Variants in ZNF555 observed in about 807,000 individuals in gnomAD.
The protein encoded by ZNF555 is zinc finger protein 555.
ZNF555 carries 10 observed loss-of-function variants against 14.0 expected under a neutral mutation model. The ratio of observed to expected loss-of-function variants is 0.72; its 90% CI spans 0.44 to 1.21. The LOEUF is 1.21. ZNF555 is among the 50% of genes most tolerant of loss of function. The pLI, the probability that ZNF555 is intolerant of heterozygous loss-of-function variation, is 0.00. For synonymous variants in ZNF555, 277 were observed against 262.4 expected (o/e 1.06, Z -0.54); for missense variants, 747 against 762.0 (o/e 0.98, Z 0.23).
Position 2,848,647 on chromosome 19 carries a change from C to G in ZNF555, c.4-1940C>G, listed in dbSNP as rs2087602926. On this transcript the variant is annotated intron_variant, in intron 1 of 3. Coordinates refer to ENST00000334241, the MANE Select transcript of ZNF555 (RefSeq NM_152791.5). The stretch of plus-strand genomic sequence containing the variant: ...ATTTTTAGTAGAGATGGGGTTTCAC[C>G]ATGTTGGCCAGGCTGGTCTCAAACT... 2.0e-5 allele frequency among the ~76,000 whole-genome samples: 3 copies of G among 151,986 alleles called. No individual in the cohort carries two copies. In the South Asian group the frequency reaches 6.2e-4, roughly 32 times the overall value.
intron 2 of ZNF555, 110 bp from the exon 3 acceptor site, chr19:2,851,358 C>T: frequency 1.2e-6 from 1 of 845,088 alleles, no homozygotes; most frequent in South Asian, 2.0e-5. Context: ...GAGTTGCTTA[C>T]CTTTTTGACC....
chr19:2,853,250 C>T lies in ZNF555; in HGVS notation c.1185C>T (p.Pro395=), dbSNP rs373066063. The change falls in exon 4 of 4, where the codon CCC becomes CCT. Residue 395 remains proline (P), a synonymous_variant. Coordinates refer to ENST00000334241, the MANE Select transcript of ZNF555 (RefSeq NM_152791.5). ...RHERTHGGEK[P]YECNQCGKAF... is the part of the protein sequence containing the mutation. ...AAAGGACTCATGGTGGAGAGAAACC[C>T]TATGAATGCAACCAGTGCGGGAAAG... The T allele has an allele frequency of 3.1e-6, 5 of 1,613,632 alleles. No individual in the cohort carries two copies. The highest frequency in any genetic ancestry group is 1.3e-5 in the African/African-American group (1 of 74,806).
intron 1 of ZNF555, among the ~76,000 whole-genome samples, chr19:2,848,919 C>T (rs975159318): frequency 6.6e-6 from 1 of 152,194 alleles, no homozygotes; most frequent in Admixed American, 6.5e-5. Context: ...AGTTCCCAGA[C>T]ACCAGCTAAG....
rs1343571001 is a variant in ZNF555 at position 2,858,955 on chromosome 19, C to T, written c.*5003C>T. The T allele has an allele frequency of 6.6e-6, 1 of 152,522 alleles. No homozygotes were observed. Among genetic ancestry groups the T allele is most frequent in the Non-Finnish European group, 1.5e-5 (1 of 68,276 alleles). The allele number at this position is 152,522 out of a possible 1,614,324, so 9.4% of individuals were successfully genotyped here. A position where few individuals can be genotyped will look rare whatever the true frequency, so the allele number is the denominator to read the frequency against. ...CAGGAGGTGCCTATCGCGCCCCAAG[C>T]TCCTCACGTGCCTCCTCCCCACAGT... On this transcript the variant is annotated 3_prime_UTR_variant, in exon 4 of 4. Coordinates refer to ENST00000334241, the MANE Select transcript of ZNF555 (RefSeq NM_152791.5).
At chr19:2,843,334 A>G (rs912166655) in intron 1 of ZNF555, among the ~76,000 whole-genome samples, 2 of 151,832 alleles carry the variant, frequency 1.3e-5, no homozygotes, top group African/African-American at 4.8e-5. Context: ...AAGCTTTTGT[A>G]TTTTTTTGTT....
At position 2,860,037 on chromosome 19, in the gene ZNF555, A is replaced by T. The variant is rs1029480789; in HGVS notation, c.*6085A>T. ...CAAACAAACAAAAAAAAGGAATGCA[A>T]GTCAAGTACACTTTGTATGGACAGT... On this transcript the variant is annotated 3_prime_UTR_variant, in exon 4 of 4. Transcript: ENST00000334241. 3.3e-5 allele frequency: 5 copies of T among 152,388 alleles called. No homozygotes were observed. The highest frequency in any genetic ancestry group is 2.1e-4 in the South Asian group (1 of 4,832). 9.4% of individuals were successfully genotyped at this position (152,388 alleles called of 1,614,324 possible). A position where few individuals can be genotyped will look rare whatever the true frequency, so the allele number is the denominator to read the frequency against.
rs2087668850 is a variant in ZNF555, at chr19:2,854,669, A to G, written c.*717A>G. On this transcript the variant is annotated 3_prime_UTR_variant, in exon 4 of 4. Coordinates refer to ENST00000334241, the MANE Select transcript of ZNF555 (RefSeq NM_152791.5). Reference sequence around the variant, plus strand: ...ACAGATGCATAGGGGCTTTGTGAACATCAACCTTCAGCTTATTTTCCAGAT... The same window carrying G: ...ACAGATGCATAGGGGCTTTGTGAACGTCAACCTTCAGCTTATTTTCCAGAT... The G allele has an allele frequency of 6.6e-6, 1 of 152,268 alleles. No homozygotes were observed. The highest frequency in any genetic ancestry group is 1.5e-5 in the Non-Finnish European group (1 of 68,088). 9.4% of individuals were successfully genotyped at this position (152,268 alleles called of 1,614,324 possible). A position where few individuals can be genotyped will look rare whatever the true frequency, so the allele number is the denominator to read the frequency against.
chr19:2,854,777 C>T lies in ZNF555; in HGVS notation c.*825C>T, dbSNP rs2087669908. 1 of 152,268 alleles carries T rather than the reference C, an allele frequency of 6.6e-6. No homozygotes were observed. Among genetic ancestry groups the T allele is most frequent in the Admixed American group, 6.5e-5 (1 of 15,286 alleles). 9.4% of individuals were successfully genotyped at this position (152,268 alleles called of 1,614,324 possible). A position where few individuals can be genotyped will look rare whatever the true frequency, so the allele number is the denominator to read the frequency against. On this transcript the variant is annotated 3_prime_UTR_variant, in exon 4 of 4. Coordinates refer to ENST00000334241, the MANE Select transcript of ZNF555 (RefSeq NM_152791.5). ...ACTGTGTCAGAGGTGTAGTCTTCCT[C>T]AGACATCTCCATTAACTTGATATTA...
rs962117383 is a variant in ZNF555 at position 2,859,259 on chromosome 19, C to T, written c.*5307C>T. The T allele has an allele frequency of 2.0e-5, 3 of 152,278 alleles. No individual in the cohort carries two copies. The highest frequency in any genetic ancestry group is 1.3e-4 in the Admixed American group (2 of 15,276). 9.4% of individuals were successfully genotyped at this position (152,278 alleles called of 1,614,324 possible). On this transcript the variant is annotated 3_prime_UTR_variant, in exon 4 of 4. Transcript: ENST00000334241. The stretch of plus-strand genomic sequence containing the variant: ...GCGGGGCGACTCTAGGAAGTGGAGA[C>T]ATCAAGAGTGGTACTGGAAGTGGCG...
At position 2,853,168 on chromosome 19, in the gene ZNF555, A is replaced by G; in HGVS notation, c.1103A>G (p.Tyr368Cys). 1.2e-6 allele frequency: 2 copies of G among 1,614,192 alleles called. No individual in the cohort carries two copies. The highest frequency in any genetic ancestry group is 2.2e-5 in the South Asian group (2 of 91,084). ...AGGATTCACACTGGAGAGAAACCCT[A>G]CGAATGCAAACAGTGTGGGAAGACC... Reference protein sequence around the residue: ...HERIHTGEKPYECKQCGKTFI... With the variant: ...HERIHTGEKPCECKQCGKTFI... Residue 368 changes from tyrosine (Y) to cysteine (C), a missense_variant, in exon 4 of 4, where the codon TAC becomes TGC. Coordinates refer to ENST00000334241, the MANE Select transcript of ZNF555 (RefSeq NM_152791.5).
chr19:2,841,564 C>T lies in ZNF555; in HGVS notation c.-9C>T, dbSNP rs1192306579. On this transcript the variant is annotated 5_prime_UTR_variant, in exon 1 of 4. Transcript: ENST00000334241. ...ACCTGCGCCGGTAGCGAAGAAATCG[C>T]CCCGGGACATGGTGAGTGTGGCGCA... 3 of 1,544,060 alleles carry T rather than the reference C, an allele frequency of 1.9e-6. No individual in the cohort carries two copies. The highest frequency in any genetic ancestry group is 2.6e-6 in the Non-Finnish European group (3 of 1,144,018).
intron 2 of ZNF555, 122 bp downstream of exon 2, chr19:2,850,835 T>C (rs778813245): frequency 8.5e-7 from 1 of 1,183,414 alleles, no homozygotes. Context: ...AAGACAGACA[T>C]AGTCACAGCT....
Position 2,852,945 on chromosome 19 carries a change from A to G in ZNF555, c.880A>G (p.Ser294Gly), listed in dbSNP as rs763811039. Residue 294 changes from serine to glycine, a missense_variant, in exon 4 of 4, where the codon AGT (serine) becomes GGT (glycine). Transcript: ENST00000334241. ...YKCKECAEAF[S>G]YSSTFRRHMI... ...ATGTAAGGAATGTGCGGAAGCCTTT[A>G]GTTATTCCTCAACTTTTCGAAGACA... 1.9e-6 allele frequency: 3 copies of G among 1,614,248 alleles called. No individual in the cohort carries two copies. Among genetic ancestry groups the G allele is most frequent in the South Asian group, 2.2e-5 (2 of 91,088 alleles).
chr19:2,849,345 C>A (rs2087608570), intron 1 of ZNF555, among the ~76,000 whole-genome samples: 1 of 152,022 alleles, frequency 6.6e-6, no homozygotes, highest in Non-Finnish European at 1.5e-5. Flanking sequence ...GAATTTGAGA[C>A]ACAGAATTTT....
In ZNF555 at chr19:2,853,198, T is replaced by C. The variant is rs2087650228; in HGVS notation, c.1133T>C (p.Ile378Thr). ...TGCAAACAGTGTGGGAAGACCTTCATTTATCCCCAGTCCTTTCGAAGACAT... is the reference window on the plus strand; with the variant it reads ...TGCAAACAGTGTGGGAAGACCTTCACTTATCCCCAGTCCTTTCGAAGACAT... ...YECKQCGKTF[I>T]YPQSFRRHER... The change falls in exon 4 of 4, where the codon ATT (isoleucine) becomes ACT (threonine). Residue 378 changes from isoleucine (I) to threonine (T), a missense_variant. Transcript: ENST00000334241. 1 of 1,612,306 alleles carries C rather than the reference T, an allele frequency of 6.2e-7. No individual in the cohort carries two copies. Among genetic ancestry groups the C allele is most frequent in the Non-Finnish European group, 8.5e-7 (1 of 1,179,510 alleles).
chr19:2,845,949 G>C (rs897722942), intron 1 of ZNF555, among the ~76,000 whole-genome samples: 3 of 152,130 alleles, frequency 2.0e-5, no homozygotes, highest in Admixed American at 2.0e-4. Context: ...CCCCCTAGGG[G>C]ACAGGTAGTC....
chr19:2,843,983 C>A (rs982879662), intron 1 of ZNF555, among the ~76,000 whole-genome samples: 11 of 152,176 alleles, frequency 7.2e-5, no homozygotes, highest in Non-Finnish European at 1.6e-4. Context: ...ATTCTCCTGC[C>A]TCAGCCTCTA....
chr19:2,844,055 CT>C (rs900555964), intron 1 of ZNF555, among the ~76,000 whole-genome samples: 2 of 146,768 alleles, frequency 1.4e-5, no homozygotes, highest in Non-Finnish European at 1.5e-5. Flanking sequence ...CTTTTCTTTT[CT>C]TTTTTTTCTT....
At chr19:2,841,683 G>C (rs545279207) in intron 1 of ZNF555, 108 bp downstream of exon 1, 1 of 1,326,762 alleles carries the variant, frequency 7.5e-7, no homozygotes, top group East Asian at 3.2e-5. Flanking sequence ...GCCCCGGCGA[G>C]GGCGGCGCAG....
Sources: allele counts gnomAD v4.1 joint callset (sites outside exome capture counted in the v4.1 genomes callset), GRCh38; gene constraint gnomAD v4.1.1; transcripts MANE v1.5; gene names NCBI Gene and HGNC (gene_info 2026-07-23, HGNC 2026-07-21).